The following ACYP2 variants were observed in gnomAD, a reference collection of about 807,000 sequenced individuals.
ACYP2 encodes acylphosphatase-2.
Under a neutral mutation model 11.2 loss-of-function variants are expected in ACYP2, and 12 were observed. The observed-to-expected ratio is 1.08, with a 90% CI of 0.69 to 1.74. The LOEUF (loss-of-function observed/expected upper bound fraction) is 1.74, where lower values mean the gene tolerates loss of function less well. ACYP2 is among the 40% of genes most tolerant of loss of function. The pLI is 0.00. For missense variants in ACYP2, 134 were observed against 101.9 expected (o/e 1.31, Z -1.35); for synonymous variants, 43 against 32.2 (o/e 1.33, Z -1.13).
intron 6 of ACYP2, among the ~76,000 whole-genome samples, chr2:54,288,451 T>C (rs1383091955): frequency 6.6e-6 from 1 of 152,042 alleles, no homozygotes; most frequent in Non-Finnish European, 1.5e-5. Context: ...TATCATTATG[T>C]ATATTCTCTA....
chr2:54,053,614 G>A (rs146379551), intron 3 of ACYP2, among the ~76,000 whole-genome samples: 1 of 152,226 alleles, frequency 6.6e-6, no homozygotes, highest in African/African-American at 2.4e-5. Context: ...TTCTTTCCTG[G>A]CAACTCTTAG....
intron 4 of ACYP2, among the ~76,000 whole-genome samples, chr2:54,061,994 A>G (rs1676493355): frequency 6.6e-6 from 1 of 152,204 alleles, no homozygotes; most frequent in Non-Finnish European, 1.5e-5. Context: ...AATATCTTAC[A>G]TAGTTAGATC....
Position 54,285,507 on chromosome 2 carries a change from C to G in ACYP2, c.405-19181C>G, listed in dbSNP as rs78353240. Among the ~76,000 whole-genome samples, 27 of 152,272 alleles carry G rather than the reference C, an allele frequency of 1.8e-4. No homozygotes were observed. The East Asian group carries it at 5.2e-3, about 29-fold the overall frequency. ...TCTCTCTCCTAAATTCTGTTGTTAACGTAGGTGTCTAAAAAGCATCTCATG... is the reference window on the plus strand; with the variant it reads ...TCTCTCTCCTAAATTCTGTTGTTAAGGTAGGTGTCTAAAAAGCATCTCATG... On this transcript the variant is annotated intron_variant, in intron 6 of 6. Transcript: ENST00000607452.
intron 6 of ACYP2, among the ~76,000 whole-genome samples, chr2:54,150,340 T>C (rs1682096294): frequency 6.6e-6 from 1 of 152,222 alleles, no homozygotes. Context: ...GAGGGTGTTG[T>C]AGGTCTAACT....
chr2:54,029,661 C>G (rs1276326252), intron 2 of ACYP2: 1 of 426,922 alleles, frequency 2.3e-6, no homozygotes, highest in East Asian at 6.1e-5. Flanking sequence ...ATTCTCTTAG[C>G]TTGTAGAGTG....
At chr2:54,024,519 C>A (rs957748609) in intron 2 of ACYP2, among the ~76,000 whole-genome samples, 14 of 152,158 alleles carry the variant, frequency 9.2e-5, no homozygotes, top group Admixed American at 3.9e-4. Context: ...GCAGAAAAAG[C>A]ATTTGACAAA....
At chr2:54,132,392 C>G (rs957512937) in intron 4 of ACYP2, among the ~76,000 whole-genome samples, 1 of 152,144 alleles carries the variant, frequency 6.6e-6, no homozygotes, top group African/African-American at 2.4e-5. Flanking sequence ...GAACATCTAT[C>G]TCTTGAAATA....
At chr2:54,066,168 T>C (rs1676737115) in intron 4 of ACYP2, 1 of 152,214 alleles carries the variant, frequency 6.6e-6, no homozygotes, top group African/African-American at 2.4e-5. Context: ...GGGAGGGACC[T>C]GGTGGGAAGT....
intron 6 of ACYP2, chr2:54,256,201 T>A (rs376961788): frequency 1.1e-5 from 17 of 1,545,556 alleles, no homozygotes; most frequent in Non-Finnish European, 1.4e-5. Flanking sequence ...CAGAGGTAGG[T>A]AGCGTCAACG....
At chr2:53,994,455 G>T (rs1479559968) in intron 2 of ACYP2, among the ~76,000 whole-genome samples, 8 of 150,046 alleles carry the variant, frequency 5.3e-5, no homozygotes, top group Admixed American at 1.3e-4. Context: ...GGAGGTGGAG[G>T]TTGCAGAGAA....
At chr2:54,097,604 G>A (rs766089642) in intron 4 of ACYP2, among the ~76,000 whole-genome samples, 1 of 151,846 alleles carries the variant, frequency 6.6e-6, no homozygotes, top group East Asian at 1.9e-4. Flanking sequence ...GGAGGGAAAG[G>A]TATGGTGAAC....
At chr2:54,257,035 G>T (rs1687584818) in intron 6 of ACYP2, among the ~76,000 whole-genome samples, 1 of 152,040 alleles carries the variant, frequency 6.6e-6, no homozygotes, top group Non-Finnish European at 1.5e-5. Flanking sequence ...GTGCCAATTT[G>T]TCATTTTCCC....
At chr2:54,283,852 C>T (rs934599006) in intron 6 of ACYP2, among the ~76,000 whole-genome samples, 8 of 152,236 alleles carry the variant, frequency 5.3e-5, no homozygotes, top group Non-Finnish European at 8.8e-5. Flanking sequence ...CACTGGCTCA[C>T]GCCTGTAATC....
chr2:54,024,614 A>G (rs909988180), intron 2 of ACYP2, among the ~76,000 whole-genome samples: 1 of 152,192 alleles, frequency 6.6e-6, no homozygotes, highest in Admixed American at 6.5e-5. Context: ...ATATATGACA[A>G]ACCCACAGCC....
At chr2:54,235,957 G>T (rs1686459348) in intron 6 of ACYP2, among the ~76,000 whole-genome samples, 1 of 151,944 alleles carries the variant, frequency 6.6e-6, no homozygotes, top group Non-Finnish European at 1.5e-5. Context: ...CTCCATGGGG[G>T]TTTATAAATT....
chr2:54,179,102 T>C lies in ACYP2; in HGVS notation c.404+40354T>C, dbSNP rs1287501300. ...AAGGGTGAGGGAGCTCTCTAGGGTC[T>C]ATTTAATAAGCACATTAAGGGAATG... is the stretch of plus-strand genomic sequence containing the variant. On this transcript the variant is annotated intron_variant, in intron 6 of 6. Coordinates refer to ENST00000607452, the MANE Select transcript of ACYP2 (RefSeq NM_001320586.2). 2.6e-5 allele frequency among the ~76,000 whole-genome samples: 4 copies of C among 152,142 alleles called. No individual in the cohort carries two copies. In the East Asian group the frequency reaches 7.7e-4, roughly 29 times the overall value.
chr2:54,264,787 T>C (rs1261008568), intron 6 of ACYP2, among the ~76,000 whole-genome samples: 1 of 152,218 alleles, frequency 6.6e-6, no homozygotes, highest in African/African-American at 2.4e-5. Flanking sequence ...AAAGCATTCT[T>C]GGGACAGTGG....
At chr2:54,183,322 A>C (rs1683825818) in intron 6 of ACYP2, among the ~76,000 whole-genome samples, 1 of 152,210 alleles carries the variant, frequency 6.6e-6, no homozygotes, top group African/African-American at 2.4e-5. Context: ...TTTATTCTAT[A>C]AAATTTATTT....
intron 6 of ACYP2, among the ~76,000 whole-genome samples, chr2:54,144,173 A>G (rs111257689): frequency 0.014 from 2,068 of 151,858 alleles, 57 homozygotes; most frequent in African/African-American, 0.048. Flanking sequence ...AGGTCTCATT[A>G]CGTTGCCCAG....
Sources: allele counts gnomAD v4.1 joint callset (sites outside exome capture counted in the v4.1 genomes callset), GRCh38; gene constraint gnomAD v4.1.1; transcripts MANE v1.5; gene names NCBI Gene and HGNC (gene_info 2026-07-23, HGNC 2026-07-21).